The following ASXL2 variants were observed in gnomAD, a reference collection of about 807,000 sequenced individuals.
ASXL2 encodes the protein ASXL transcriptional regulator 2, also known as putative Polycomb group protein ASXL2.
A neutral mutation model predicts 122.0 loss-of-function variants in ASXL2; 23 were observed. The ratio of observed to expected loss-of-function variants is 0.19; its 90% confidence interval spans 0.14 to 0.27. The LOEUF is 0.27. Ranked by LOEUF, ASXL2 falls within the 10% of genes least tolerant of loss-of-function variation. The pLI is 1.00. For missense variants in ASXL2, 1,518 were observed against 1,713.8 expected, an observed-to-expected ratio of 0.89 and a Z score of 2.02; for synonymous variants, 650 against 637.0, an observed-to-expected ratio of 1.02 and a Z score of -0.31.
chr2:25,828,728 GGGA>G (rs2089409844), intron 3 of ASXL2, among the ~76,000 whole-genome samples: 1 of 149,990 alleles, frequency 6.7e-6, no homozygotes, highest in South Asian at 2.1e-4. Context: ...GGGAGGCTGA[GGGA>G]GGAGAACTGC....
At chr2:25,835,491 C>T (rs1281488576) in intron 3 of ASXL2, 47 bp downstream of exon 3, 2 of 241,162 alleles carry the variant, frequency 8.3e-6, no homozygotes, top group African/African-American at 2.3e-5. Flanking sequence ...TAAAAGTGTG[C>T]TTTATAATTG....
chr2:25,787,442 A>G (rs1398100665), intron 5 of ASXL2, among the ~76,000 whole-genome samples: 1 of 152,184 alleles, frequency 6.6e-6, no homozygotes, highest in Non-Finnish European at 1.5e-5. Flanking sequence ...TGGTAGCCAT[A>G]TTGCTTACTC....
In ASXL2 at chr2:25,738,341, G is replaced by A. The variant is rs1353885803; in HGVS notation, c.*3688C>T. On this transcript the variant is annotated 3_prime_UTR_variant, in exon 13 of 13. Coordinates refer to ENST00000435504, the MANE Select transcript of ASXL2 (RefSeq NM_018263.6). ...TTTTACCTACTGTTCTCTTTCAATA[G>A]GTTTGTAGGTATTGAAACATGGTAG... is the stretch of plus-strand genomic sequence containing the variant. 1 of 152,044 alleles carries A rather than the reference G, an allele frequency of 6.6e-6. No homozygotes were observed. The highest frequency in any genetic ancestry group is 1.5e-5 in the Non-Finnish European group (1 of 67,996). The allele number at this position is 152,044 out of a possible 1,614,324, so 9.4% of individuals were successfully genotyped here.
rs2090028403 is a variant in ASXL2 at position 25,878,371 on chromosome 2, GGCGGGGGTGGTGC to G, written c.-162_-150del. On this transcript the variant is annotated 5_prime_UTR_variant, in exon 1 of 13. The change abolishes the stop of an existing upstream ORF in the 5' untranslated region. Transcript: ENST00000435504. ...GGGGGGGCACCCAAGCAGAGGAAGC[GGCGGGGGTGGTGC>G]GCGGGGGGGTCTATGGGGCGGCCGG... is the stretch of plus-strand genomic sequence containing the variant. The G allele has an allele frequency of 2.8e-6, 2 of 707,038 alleles. No homozygotes were observed. The highest frequency in any genetic ancestry group is 5.6e-5 in the Admixed American group (2 of 35,982). 43.8% of individuals were successfully genotyped at this position (707,038 alleles called of 1,614,324 possible). A position where few individuals can be genotyped will look rare whatever the true frequency, so the allele number is the denominator to read the frequency against.
intron 3 of ASXL2, among the ~76,000 whole-genome samples, chr2:25,808,018 C>CACACAT (rs2089109428): frequency 6.6e-6 from 1 of 151,414 alleles, no homozygotes; most frequent in Non-Finnish European, 1.5e-5. Flanking sequence ...CACACACACA[C>CACACAT]ACACTCTCCA....
chr2:25,852,196 T>C (rs1468326283), intron 1 of ASXL2, among the ~76,000 whole-genome samples: 1 of 152,186 alleles, frequency 6.6e-6, no homozygotes, highest in Admixed American at 6.5e-5. Context: ...TTTATGACAA[T>C]ATGAATAACC....
chr2:25,865,881 T>G (rs2089898524), intron 1 of ASXL2, among the ~76,000 whole-genome samples: 1 of 151,752 alleles, frequency 6.6e-6, no homozygotes, highest in East Asian at 1.9e-4. Context: ...ACAATGGTCT[T>G]AACTCCAACT....
chr2:25,756,771 T>C (rs879258876), intron 9 of ASXL2, among the ~76,000 whole-genome samples: 7 of 152,218 alleles, frequency 4.6e-5, no homozygotes, highest in Non-Finnish European at 7.3e-5. Flanking sequence ...TTACGGACAA[T>C]ACGAAAACTA....
chr2:25,759,267 T>C (rs1371161310), intron 9 of ASXL2, among the ~76,000 whole-genome samples: 2 of 152,164 alleles, frequency 1.3e-5, no homozygotes, highest in Non-Finnish European at 2.9e-5. Context: ...CTCCTCACCT[T>C]CATTCTATGG....
chr2:25,864,470 A>C (rs542145862), intron 1 of ASXL2, among the ~76,000 whole-genome samples: 4 of 152,274 alleles, frequency 2.6e-5, no homozygotes, highest in East Asian at 3.9e-4. Flanking sequence ...AAATCCATTA[A>C]GACTTTTAGT....
intron 12 of ASXL2, among the ~76,000 whole-genome samples, chr2:25,748,659 T>C (rs1191977800): frequency 6.6e-6 from 1 of 152,192 alleles, no homozygotes. Context: ...TATATCCTAA[T>C]GAGTAATATT....
intron 4 of ASXL2, among the ~76,000 whole-genome samples, chr2:25,801,890 T>A (rs566232177): frequency 1.3e-5 from 2 of 152,346 alleles, no homozygotes; most frequent in South Asian, 4.1e-4. Context: ...GATTTGATTA[T>A]GCTTTTCTCC....
intron 4 of ASXL2, among the ~76,000 whole-genome samples, chr2:25,801,974 T>G (rs2089005461): frequency 6.6e-6 from 1 of 152,214 alleles, no homozygotes. Flanking sequence ...AGGCCTCCAA[T>G]GTTTGATCTC....
At chr2:25,803,999 CA>C (rs1397923808) in intron 4 of ASXL2, among the ~76,000 whole-genome samples, 1 of 151,920 alleles carries the variant, frequency 6.6e-6, no homozygotes, top group Non-Finnish European at 1.5e-5. Context: ...TTTTTCCCCC[CA>C]ATCTCTACAA....
intron 3 of ASXL2, among the ~76,000 whole-genome samples, chr2:25,829,289 TACACACACAC>T (rs148405440): frequency 3.4e-5 from 5 of 145,614 alleles, no homozygotes; most frequent in East Asian, 2.0e-4. Flanking sequence ...CACATACACA[TACACACACAC>T]ACACACACAC....
chr2:25,834,970 C>T (rs752036381), intron 3 of ASXL2, among the ~76,000 whole-genome samples: 2 of 151,930 alleles, frequency 1.3e-5, no homozygotes, highest in African/African-American at 2.4e-5. Context: ...TTACGGGCGC[C>T]GGCCACCACA....
At chr2:25,809,712 C>T (rs530351979) in intron 3 of ASXL2, among the ~76,000 whole-genome samples, 4 of 152,128 alleles carry the variant, frequency 2.6e-5, no homozygotes, top group Admixed American at 6.5e-5. Flanking sequence ...GTTCACATTC[C>T]CTTAAGTGTT....
In ASXL2 at chr2:25,735,045, TGAA is replaced by T. The variant is rs1279017904; in HGVS notation, c.*6981_*6983del. 2 of 152,188 alleles carry T rather than the reference TGAA, an allele frequency of 1.3e-5. No homozygotes were observed. Among genetic ancestry groups the T allele is most frequent in the Non-Finnish European group, 2.9e-5 (2 of 68,028 alleles). 9.4% of individuals were successfully genotyped at this position (152,188 alleles called of 1,614,324 possible). ...AATTCCCTTTAGGTTCTTTTGGGTT[TGAA>T]GAAGCACGAAAAGCAAGGTTGCAGT... On this transcript the variant is annotated 3_prime_UTR_variant, in exon 13 of 13. Transcript: ENST00000435504.
intron 5 of ASXL2, among the ~76,000 whole-genome samples, chr2:25,792,530 ATTAT>A (rs1353579785): frequency 9.2e-5 from 14 of 151,874 alleles, no homozygotes; most frequent in African/African-American, 3.4e-4. Context: ...TCGAGTTACT[ATTAT>A]TTGATTAAAA....
Sources: gnomAD v4.1 joint callset for allele counts (sites outside exome capture counted in the v4.1 genomes callset) on GRCh38, gnomAD v4.1.1 for gene constraint, MANE v1.5 for transcripts, NCBI Gene and HGNC (gene_info 2026-07-23, HGNC 2026-07-21) for gene names.